LRP1B: variants seen among roughly 807,000 people sequenced by gnomAD.
LRP1B encodes the protein low-density lipoprotein receptor-related protein 1B.
In LRP1B, 217 loss-of-function variants were observed where a neutral mutation model predicts 556.6. That is an observed-to-expected ratio of 0.39 (90% CI 0.35 to 0.44). The LOEUF is 0.44. Ranked by LOEUF, LRP1B falls within the 20% of genes least tolerant of loss-of-function variation. The pLI is 1.00. For synonymous variants in LRP1B, 2,047 were observed against 1,865.8 expected, an observed-to-expected ratio of 1.10 and a Z score of -2.50; for missense variants, 5,053 against 5,620.8, an observed-to-expected ratio of 0.90 and a Z score of 3.23.
chr2:141,872,650 GA>G (rs1451075080), intron 1 of LRP1B, among the ~76,000 whole-genome samples: 4 of 151,560 alleles, frequency 2.6e-5, no homozygotes, highest in African/African-American at 4.8e-5. Context: ...AAATGATCCA[GA>G]AAGGCCATCT....
chr2:141,959,461 A>G (rs1297462876), intron 1 of LRP1B, among the ~76,000 whole-genome samples: 1 of 151,946 alleles, frequency 6.6e-6, no homozygotes, highest in African/African-American at 2.4e-5. Context: ...ATTTTCTAAC[A>G]TTTGTGCACA....
intron 2 of LRP1B, among the ~76,000 whole-genome samples, chr2:141,799,561 G>A (rs7594617): frequency 0.55 from 84,095 of 151,904 alleles, 24,243 homozygotes; most frequent in African/African-American, 0.72. Context: ...TAAACTTGGA[G>A]GCTGATTCTT....
chr2:141,923,560 C>T (rs547867723), intron 1 of LRP1B, among the ~76,000 whole-genome samples: 1 of 144,602 alleles, frequency 6.9e-6, no homozygotes, highest in Admixed American at 7.0e-5. Flanking sequence ...TTTTTTCTTA[C>T]CAAAGCAAAT....
At chr2:141,857,502 TA>T (rs147374005) in intron 1 of LRP1B, among the ~76,000 whole-genome samples, 7 of 150,144 alleles carry the variant, frequency 4.7e-5, no homozygotes, top group East Asian at 2.0e-4. Context: ...CCAGCTAAAT[TA>T]AAAAAAAAAT....
intron 84 of LRP1B, among the ~76,000 whole-genome samples, chr2:140,297,297 TG>T (rs1312825468): frequency 5.3e-5 from 8 of 152,056 alleles, no homozygotes; most frequent in Non-Finnish European, 1.2e-4. Context: ...GAGAAAGCAT[TG>T]GAGGTTTCAT....
intron 2 of LRP1B, among the ~76,000 whole-genome samples, chr2:141,719,769 G>A (rs1574280971): frequency 6.6e-6 from 1 of 152,086 alleles, no homozygotes; most frequent in South Asian, 2.1e-4. Flanking sequence ...CACAGGAACA[G>A]AAAACCAAAT....
At chr2:141,714,257 CAT>C (rs1474709778) in intron 2 of LRP1B, among the ~76,000 whole-genome samples, 1 of 152,112 alleles carries the variant, frequency 6.6e-6, no homozygotes, top group Non-Finnish European at 1.5e-5. Context: ...AATGAAATAA[CAT>C]GTGAGAAACT....
At chr2:140,643,524 A>G (rs1684375921) in intron 41 of LRP1B, among the ~76,000 whole-genome samples, 1 of 152,260 alleles carries the variant, frequency 6.6e-6, no homozygotes, top group African/African-American at 2.4e-5. Flanking sequence ...GGCAGTTGCT[A>G]CATTAATTAT....
intron 86 of LRP1B, among the ~76,000 whole-genome samples, chr2:140,251,479 A>G (rs1681412674): frequency 6.6e-6 from 1 of 151,884 alleles, no homozygotes; most frequent in Non-Finnish European, 1.5e-5. Flanking sequence ...CTTCAAAATA[A>G]AATAATGAGA....
chr2:140,251,347 T>C (rs766887984), intron 86 of LRP1B, among the ~76,000 whole-genome samples: 16 of 151,780 alleles, frequency 1.1e-4, no homozygotes, highest in Non-Finnish European at 2.4e-4. Context: ...AAATGAGATA[T>C]AAAAAACTGA....
chr2:140,705,791 A>G (rs898319719), intron 37 of LRP1B, among the ~76,000 whole-genome samples: 1 of 152,146 alleles, frequency 6.6e-6, no homozygotes, highest in Non-Finnish European at 1.5e-5. Flanking sequence ...TAGATATGGT[A>G]TCATTATATG....
At chr2:140,891,120 G>A (rs566234599) in intron 23 of LRP1B, among the ~76,000 whole-genome samples, 29 of 152,180 alleles carry the variant, frequency 1.9e-4, no homozygotes, top group Middle Eastern at 6.8e-3. Context: ...TAAGAGATGA[G>A]ATATGTACAA....
intron 1 of LRP1B, among the ~76,000 whole-genome samples, chr2:141,887,474 C>T (rs1300844976): frequency 6.6e-6 from 1 of 152,086 alleles, no homozygotes; most frequent in East Asian, 1.9e-4. Flanking sequence ...CCCTTTACTG[C>T]TCTCAGTGCA....
intron 66 of LRP1B, among the ~76,000 whole-genome samples, chr2:140,428,713 T>C (rs997038394): frequency 3.9e-5 from 6 of 152,112 alleles, no homozygotes; most frequent in African/African-American, 7.2e-5. Context: ...TTAATCAATA[T>C]GGAGGCTACC....
chr2:141,240,354 A>C (rs1436843584), intron 5 of LRP1B, among the ~76,000 whole-genome samples: 1 of 134,154 alleles, frequency 7.5e-6, no homozygotes, highest in Non-Finnish European at 1.7e-5. Context: ...CTGAAAAATC[A>C]ATTTTTTTTT....
intron 2 of LRP1B, among the ~76,000 whole-genome samples, chr2:141,672,696 C>A (rs1175226347): frequency 2.0e-5 from 3 of 152,138 alleles, no homozygotes; most frequent in African/African-American, 7.2e-5. Context: ...TGCATAAAAA[C>A]AACACACATG....
At chr2:140,273,010 C>T (rs577595978) in intron 85 of LRP1B, among the ~76,000 whole-genome samples, 8 of 151,976 alleles carry the variant, frequency 5.3e-5, no homozygotes, top group Admixed American at 1.3e-4. Context: ...GTATAGCAAG[C>T]GATACTGAGG....
intron 35 of LRP1B, among the ~76,000 whole-genome samples, chr2:140,735,988 G>A (rs951929829): frequency 6.6e-6 from 1 of 152,094 alleles, no homozygotes; most frequent in African/African-American, 2.4e-5. Context: ...CACATTCTCG[G>A]TATATGGGAA....
chr2:141,062,131 AG>A lies in LRP1B; in HGVS notation c.1155del (p.Trp386GlyfsTer2). 6.2e-7 allele frequency: 1 copy of A among 1,612,188 alleles called. No homozygotes were observed. Among genetic ancestry groups the A allele is most frequent in the Non-Finnish European group, 8.5e-7 (1 of 1,178,750 alleles). ...ACATAGTCCAAGTAAAGATCTACCC[AG>A]TAAACCAATTTGTTGACTAGGTCTA... is the stretch of plus-strand genomic sequence containing the variant. ...LALDLVNKLV[Y>X]WVDLYLDYVG... On this transcript the variant is annotated frameshift_variant, in exon 8 of 91. Transcript: ENST00000389484. LOFTEE classifies it high-confidence loss of function.
Sources: allele counts gnomAD v4.1 joint callset (sites outside exome capture counted in the v4.1 genomes callset), GRCh38; gene constraint gnomAD v4.1.1; transcripts MANE v1.5; gene names NCBI Gene and HGNC (gene_info 2026-07-23, HGNC 2026-07-21).